POLRMT: variants seen among roughly 807,000 people sequenced by gnomAD.
The protein encoded by POLRMT is RNA polymerase mitochondrial, also known as DNA-directed RNA polymerase, mitochondrial.
A neutral mutation model predicts 132.2 loss-of-function variants in POLRMT; 114 were observed. The observed-to-expected ratio is 0.86, with a 90% CI of 0.74 to 1.01. POLRMT has a LOEUF of 1.01. Ranked by LOEUF, POLRMT falls within the 50% of genes least tolerant of loss-of-function variation. POLRMT has a pLI of 0.00. For synonymous variants in POLRMT, 1,020 were observed against 773.4 expected (o/e 1.32, Z -5.29); for missense variants, 2,003 against 1,729.1 (o/e 1.16, Z -2.81).
Position 622,366 on chromosome 19 carries a change from T to C in POLRMT, c.1634A>G (p.Glu545Gly), listed in dbSNP as rs889061584. 6.5e-7 allele frequency: 1 copy of C among 1,549,642 alleles called. No individual in the cohort carries two copies. Among genetic ancestry groups the C allele is most frequent in the African/African-American group, 1.4e-5 (1 of 73,240 alleles). ...CCAGTACTGCCGCGGCAGGCAGGGC[T>C]CGGGCACCTGTAGGACAGGGCGGTC... ...CLLASDAEVP[E>G]PCLPRQYWEE... Residue 545 changes from glutamate to glycine, a missense_variant, in exon 9 of 21, where the codon GAG becomes GGG. Glu to Gly is a moderately conservative substitution (Grantham distance 98, BLOSUM62 -2). Transcript: ENST00000588649.
chr19:620,503 A>C lies in POLRMT; in HGVS notation c.2641-16T>G. 2 of 1,558,540 alleles carry C rather than the reference A, an allele frequency of 1.3e-6. No individual in the cohort carries two copies. The highest frequency in any genetic ancestry group is 1.7e-6 in the Non-Finnish European group (2 of 1,150,584). On this transcript the variant is annotated splice_polypyrimidine_tract_variant and intron_variant, in intron 10 of 20. Coordinates refer to ENST00000588649, the MANE Select transcript of POLRMT (RefSeq NM_005035.4). Reference sequence around the variant, plus strand: ...ACTTTCGGCCCTGCGGGGACAGCGGATGGGGGGCAGTGAGGCCCGGGCCCG... The same window carrying C: ...ACTTTCGGCCCTGCGGGGACAGCGGCTGGGGGGCAGTGAGGCCCGGGCCCG...
intron 9 of POLRMT, 72 bp from the exon 10 acceptor site, chr19:621,918 G>A: frequency 6.5e-7 from 1 of 1,528,444 alleles, no homozygotes; most frequent in Non-Finnish European, 8.8e-7. Flanking sequence ...TTAAACTTGG[G>A]TGAGAGGGGC....
chr19:624,374 G>A (rs1019470767), intron 5 of POLRMT, among the ~76,000 whole-genome samples: 2 of 152,174 alleles, frequency 1.3e-5, no homozygotes, highest in African/African-American at 4.8e-5. Context: ...TAAAATCGCT[G>A]AATTACACCT....
At chr19:623,072 G>A (rs1317120102) in intron 6 of POLRMT, 87 bp from the exon 7 acceptor site, 2 of 1,458,176 alleles carry the variant, frequency 1.4e-6, no homozygotes, top group Non-Finnish European at 1.8e-6. Flanking sequence ...GCTCCCTGCA[G>A]AGACCTCATG....
intron 1 of POLRMT, 82 bp downstream of exon 1, chr19:633,343 C>T (rs1194389105): frequency 2.2e-6 from 3 of 1,371,282 alleles, no homozygotes; most frequent in Non-Finnish European, 2.8e-6. Context: ...AGGCAAAGGT[C>T]AAAGCGCCAA....
Position 619,098 on chromosome 19 carries a change from C to T in POLRMT, c.3166G>A (p.Glu1056Lys), listed in dbSNP as rs948447720. The change falls in exon 15 of 21, where the codon GAG (glutamate) becomes AAG (lysine). Residue 1056 changes from glutamate to lysine, a missense_variant. Transcript: ENST00000588649. ...ATGTGGGAGATGAGGCGGGCACTCT[C>T]GGTCAGCCAGTGCTGTGGGACACAG... is the stretch of plus-strand genomic sequence containing the variant. ...GTRAIQHWLT[E>K]SARLISHMGS... The T allele has an allele frequency of 9.3e-6, 15 of 1,611,372 alleles. No homozygotes were observed. Among genetic ancestry groups the T allele is most frequent in the South Asian group, 3.3e-5 (3 of 90,978 alleles).
chr19:621,490 G>A lies in POLRMT; in HGVS notation c.2208C>T (p.Ser736=). The A allele has an allele frequency of 1.5e-6, 2 of 1,365,504 alleles. No individual in the cohort carries two copies. Among genetic ancestry groups the A allele is most frequent in the South Asian group, 3.4e-5 (2 of 58,376 alleles). The allele number at this position is 1,365,504 out of a possible 1,614,324, so 84.6% of individuals were successfully genotyped here. ...GGGCCTCGGGCGGCTGGGGCGCCTC[G>A]GAGGGCGGGGCCGGCACGCCTAGCT... ...CPQLGVPAPP[S]EAPQPPEAHL... The change falls in exon 10 of 21, where the codon TCC becomes TCT. Residue 736 remains serine, a synonymous_variant. Coordinates refer to ENST00000588649, the MANE Select transcript of POLRMT (RefSeq NM_005035.4).
rs1984558088 is a variant in POLRMT, at chr19:621,229, G to A, written c.2469C>T (p.Ala823=). The part of the protein sequence containing the change: ...FNHLGSDVAR[A]LLEFAQGRPL... ...GGCGGCCCTGGGCGAACTCCAGCAG[G>A]GCCCGCGCCACGTCGCTGCCCAGGT... is the stretch of plus-strand genomic sequence containing the variant. Residue 823 remains alanine (A), a synonymous_variant, in exon 10 of 21, where the codon GCC becomes GCT. Transcript: ENST00000588649. The A allele has an allele frequency of 1.2e-6, 2 of 1,609,210 alleles. No homozygotes were observed. Among genetic ancestry groups the A allele is most frequent in the South Asian group, 1.1e-5 (1 of 90,904 alleles).
intron 5 of POLRMT, among the ~76,000 whole-genome samples, chr19:624,247 G>A (rs1984854390): frequency 6.6e-6 from 1 of 152,176 alleles, no homozygotes; most frequent in Admixed American, 6.5e-5. Flanking sequence ...CATTTCTATG[G>A]AATGTCCAGA....
At position 617,863 on chromosome 19, in the gene POLRMT, G is replaced by T; in HGVS notation, c.3423-14C>A. ...GTCAGGCCCTTCCTGTGGCAGAGCG[G>T]AGGACTCCTGAAGGGAGGGGAGCTC... On this transcript the variant is annotated splice_polypyrimidine_tract_variant and intron_variant, in intron 17 of 20. Transcript: ENST00000588649. 6.2e-7 allele frequency: 1 copy of T among 1,612,468 alleles called. No homozygotes were observed. Among genetic ancestry groups the T allele is most frequent in the South Asian group, 1.1e-5 (1 of 91,054 alleles).
intron 3 of POLRMT, among the ~76,000 whole-genome samples, chr19:626,433 T>C (rs1189512062): frequency 2.1e-5 from 3 of 146,066 alleles, no homozygotes; most frequent in African/African-American, 7.5e-5. Context: ...GGATTACAGG[T>C]GTGAGCCACC....
Position 621,731 on chromosome 19 carries a change from G to T in POLRMT, c.1967C>A (p.Thr656Lys), listed in dbSNP as rs150982430. The change falls in exon 10 of 21, where the codon ACA becomes AAA. Residue 656 changes from threonine to lysine, a missense_variant. Transcript: ENST00000588649. ...VPMLCPPLPW[T>K]SPHSGAFLLS... Reference sequence around the variant, plus strand: ...CAGGAAAGCACCAGAGTGCGGCGATGTCCAGGGCAGCGGGGGGCAAAGCAT... The same window carrying T: ...CAGGAAAGCACCAGAGTGCGGCGATTTCCAGGGCAGCGGGGGGCAAAGCAT... 7.3e-5 allele frequency: 116 copies of T among 1,599,802 alleles called. No individual in the cohort carries two copies. The African/African-American group carries it at 1.5e-3, about 20-fold the overall frequency.
chr19:632,956 G>A lies in POLRMT; in HGVS notation c.89-18C>T, dbSNP rs1488716668. On this transcript the variant is annotated intron_variant, in intron 1 of 20. Coordinates refer to ENST00000588649, the MANE Select transcript of POLRMT (RefSeq NM_005035.4). ...GGCGGTCCCTGCGGGAAAGACGAGAGCGGCTGAGCGGGGCCGGGCGTGTGG... is the reference window on the plus strand; with the variant it reads ...GGCGGTCCCTGCGGGAAAGACGAGAACGGCTGAGCGGGGCCGGGCGTGTGG... The A allele has an allele frequency of 1.6e-5, 23 of 1,480,132 alleles. No homozygotes were observed. Among genetic ancestry groups the A allele is most frequent in the Non-Finnish European group, 2.1e-5 (23 of 1,118,414 alleles). 91.7% of individuals were successfully genotyped at this position (1,480,132 alleles called of 1,614,324 possible). A position where few individuals can be genotyped will look rare whatever the true frequency, so the allele number is the denominator to read the frequency against.
Position 632,816 on chromosome 19 carries a change from C to G in POLRMT, c.193+18G>C. 6.5e-7 allele frequency: 1 copy of G among 1,530,756 alleles called. No individual in the cohort carries two copies. The highest frequency in any genetic ancestry group is 8.8e-7 in the Non-Finnish European group (1 of 1,140,336). 94.8% of individuals were successfully genotyped at this position (1,530,756 alleles called of 1,614,324 possible). On this transcript the variant is annotated intron_variant, in intron 2 of 20. Coordinates refer to ENST00000588649, the MANE Select transcript of POLRMT (RefSeq NM_005035.4). ...AGCGGACTCTCCTCTCCCGGGCCGC[C>G]GTGGGGGTCGCGCTCACCCTCCAGC...
At chr19:625,992 C>T (rs1370809742) in intron 3 of POLRMT, among the ~76,000 whole-genome samples, 1 of 152,066 alleles carries the variant, frequency 6.6e-6, no homozygotes, top group African/African-American at 2.4e-5. Flanking sequence ...TGCACCACCG[C>T]GCCCGGCCAT....
chr19:633,255 G>A (rs1985560502), intron 1 of POLRMT, 170 bp downstream of exon 1: 1 of 815,864 alleles, frequency 1.2e-6, no homozygotes, highest in Non-Finnish European at 1.8e-6. Context: ...CTGCACGGAG[G>A]AGCCTCAGTC....
At chr19:617,936 C>T (rs937756682) in intron 17 of POLRMT, 87 bp from the exon 18 acceptor site, 23 of 1,285,956 alleles carry the variant, frequency 1.8e-5, no homozygotes, top group Middle Eastern at 1.8e-4. Context: ...TCAGCCCCCT[C>T]CACTTGAGGT....
chr19:627,701 G>C (rs1472966826), intron 3 of POLRMT, among the ~76,000 whole-genome samples: 2 of 149,586 alleles, frequency 1.3e-5, no homozygotes, highest in Non-Finnish European at 3.0e-5. Flanking sequence ...GAGGCGGGCG[G>C]ATTACCTGAG....
chr19:631,320 C>G (rs1008733486), intron 2 of POLRMT, among the ~76,000 whole-genome samples: 2 of 142,888 alleles, frequency 1.4e-5, no homozygotes, highest in African/African-American at 2.7e-5. Context: ...AGAGCAGGAC[C>G]CTGTCTCAAA....
Sources: allele counts gnomAD v4.1 joint callset (sites outside exome capture counted in the v4.1 genomes callset), GRCh38; gene constraint gnomAD v4.1.1; transcripts MANE v1.5; gene names NCBI Gene and HGNC (gene_info 2026-07-23, HGNC 2026-07-21).